FGF1: variants seen among roughly 807,000 people sequenced by gnomAD.
FGF1 encodes beta-endothelial cell growth factor.
Under a neutral mutation model 13.4 loss-of-function variants are expected in FGF1, and 9 were observed. That is an observed-to-expected ratio of 0.67 (90% CI 0.40 to 1.17). The LOEUF (loss-of-function observed/expected upper bound fraction) is 1.17, where lower values mean the gene tolerates loss of function less well. FGF1 is among the 50% of genes most tolerant of loss of function. The pLI is 0.01. For synonymous variants in FGF1, 93 were observed against 79.0 expected (o/e 1.18, Z -0.94); for missense variants, 156 against 192.7 (o/e 0.81, Z 1.13).
chr5:142,692,688 CACACACACACACACGCACAG>C (rs1247903420), intron 2 of FGF1, among the ~76,000 whole-genome samples: 1 of 141,302 alleles, frequency 7.1e-6, no homozygotes, highest in East Asian at 1.9e-4. Context: ...CACACACGCA[CACACACACACACACGCACAG>C]ACACACACAC....
intron 1 of FGF1, among the ~76,000 whole-genome samples, chr5:142,654,952 G>T (rs1455227086): frequency 6.6e-6 from 1 of 152,226 alleles, no homozygotes; most frequent in Non-Finnish European, 1.5e-5. Flanking sequence ...GTAACCGCAG[G>T]CTCCCACATC....
intron 1 of FGF1, among the ~76,000 whole-genome samples, chr5:142,632,047 C>T (rs1174976220): frequency 2.0e-5 from 3 of 152,118 alleles, no homozygotes; most frequent in African/African-American, 7.2e-5. Flanking sequence ...TCCCAAAGTG[C>T]TGTGATTACA....
At chr5:142,629,869 CATATATATTATATAT>C (rs1763050357) in intron 1 of FGF1, among the ~76,000 whole-genome samples, 1 of 137,458 alleles carries the variant, frequency 7.3e-6, no homozygotes, top group South Asian at 2.3e-4. Context: ...ATTATATATA[CATATATATTATATAT>C]ATATATATAT....
intron 1 of FGF1, among the ~76,000 whole-genome samples, chr5:142,658,293 T>C (rs1177929815): frequency 6.6e-6 from 1 of 152,228 alleles, no homozygotes; most frequent in Non-Finnish European, 1.5e-5. Flanking sequence ...CCATGGCAAT[T>C]GCTTCTAGTT....
chr5:142,614,938 G>A (rs886400848), intron 1 of FGF1, among the ~76,000 whole-genome samples: 1 of 152,106 alleles, frequency 6.6e-6, no homozygotes, highest in Non-Finnish European at 1.5e-5. Flanking sequence ...CACGCAGGCT[G>A]TTTTCATCCT....
intron 1 of FGF1, among the ~76,000 whole-genome samples, chr5:142,625,540 G>T (rs1279699196): frequency 6.6e-6 from 1 of 152,162 alleles, no homozygotes; most frequent in Non-Finnish European, 1.5e-5. Context: ...TGGTGCAATG[G>T]TGTGCTCTGC....
upstream of FGF1, among the ~76,000 whole-genome samples, chr5:142,691,047 C>T (rs994169832): frequency 1.3e-5 from 2 of 152,232 alleles, no homozygotes; most frequent in Admixed American, 1.3e-4. Flanking sequence ...AAATCAGCCC[C>T]TTATCACTGT....
intron 1 of FGF1, among the ~76,000 whole-genome samples, chr5:142,657,686 T>A (rs2151990852): frequency 6.6e-6 from 1 of 152,360 alleles, no homozygotes; most frequent in African/African-American, 2.4e-5. Flanking sequence ...TGCGGCCGAG[T>A]GTCTGCCCAA....
chr5:142,608,830 T>C (rs934343815), intron 2 of FGF1, among the ~76,000 whole-genome samples: 3 of 150,908 alleles, frequency 2.0e-5, no homozygotes, highest in South Asian at 2.1e-4. Context: ...TTAAAGTTTA[T>C]GTATAAAAAT....
intron 1 of FGF1, among the ~76,000 whole-genome samples, chr5:142,639,845 G>C (rs950341878): frequency 3.3e-5 from 5 of 151,942 alleles, no homozygotes; most frequent in Admixed American, 6.6e-5. Flanking sequence ...CTAAATATGT[G>C]CAACTTTTAT....
intron 2 of FGF1, among the ~76,000 whole-genome samples, chr5:142,695,561 G>A (rs1752971901): frequency 7.1e-6 from 1 of 140,126 alleles, no homozygotes; most frequent in Non-Finnish European, 1.5e-5. Context: ...CAACCTGGGT[G>A]ACAGAGCAAG....
At chr5:142,645,390 G>A (rs1404364364) in intron 1 of FGF1, among the ~76,000 whole-genome samples, 1 of 152,104 alleles carries the variant, frequency 6.6e-6, no homozygotes, top group African/African-American at 2.4e-5. Context: ...AGGCGTGGTG[G>A]GAAGAAATGC....
chr5:142,634,141 C>G (rs1373322050), intron 1 of FGF1, among the ~76,000 whole-genome samples: 1 of 148,650 alleles, frequency 6.7e-6, no homozygotes, highest in East Asian at 2.0e-4. Flanking sequence ...TGCAGTGAGC[C>G]GAGATCGTGC....
intron 1 of FGF1, among the ~76,000 whole-genome samples, chr5:142,661,775 G>A (rs17216888): frequency 0.035 from 5,340 of 152,200 alleles, 302 homozygotes; most frequent in African/African-American, 0.12. Flanking sequence ...AGGCCAAGGC[G>A]GGCAGATCAC....
intron 2 of FGF1, among the ~76,000 whole-genome samples, chr5:142,695,391 G>A (rs1752936605): frequency 6.6e-6 from 1 of 152,082 alleles, no homozygotes; most frequent in Non-Finnish European, 1.5e-5. Flanking sequence ...AGACCAGCCT[G>A]GCCAACATGG....
chr5:142,625,531 G>C (rs1762316715), intron 1 of FGF1, among the ~76,000 whole-genome samples: 1 of 152,176 alleles, frequency 6.6e-6, no homozygotes, highest in Admixed American at 6.5e-5. Flanking sequence ...AGTGCTCCCT[G>C]GTGCAATGGT....
At chr5:142,611,146 C>G (rs1490348422) in intron 2 of FGF1, among the ~76,000 whole-genome samples, 1 of 152,198 alleles carries the variant, frequency 6.6e-6, no homozygotes, top group Non-Finnish European at 1.5e-5. Flanking sequence ...CCGTGTGGAT[C>G]ACATTTAGTC....
chr5:142,694,131 CT>C lies in FGF1; in HGVS notation c.-35+3490del, dbSNP rs1235788122. Among the ~76,000 whole-genome samples the C allele has an allele frequency of 4.8e-5, 7 of 146,706 alleles. No homozygotes were observed. The South Asian group carries it at 8.6e-4, about 18-fold the overall frequency. Reference sequence around the variant, plus strand: ...TCTATCTATCTATCTATCTATCTATCTATCTATGTCTATCTGCCTCTCTGTA... The same window carrying C: ...TCTATCTATCTATCTATCTATCTATCATCTATGTCTATCTGCCTCTCTGTA... On this transcript the variant is annotated intron_variant, in intron 2 of 4. Transcript: ENST00000407758.
At chr5:142,625,736 C>T (rs183421201) in intron 1 of FGF1, among the ~76,000 whole-genome samples, 1 of 152,356 alleles carries the variant, frequency 6.6e-6, no homozygotes, top group East Asian at 1.9e-4. Flanking sequence ...CAGCCCTTCG[C>T]CACCTCCTTT....
Sources: allele counts gnomAD v4.1 joint callset (sites outside exome capture counted in the v4.1 genomes callset), GRCh38; gene constraint gnomAD v4.1.1; transcripts MANE v1.5; gene names NCBI Gene and HGNC (gene_info 2026-07-23, HGNC 2026-07-21).